ITGB4: variants seen among roughly 807,000 people sequenced by gnomAD.
ITGB4 encodes the protein integrin subunit beta 4.
A neutral mutation model predicts 207.6 loss-of-function variants in ITGB4; 159 were observed. That is an observed-to-expected ratio of 0.77 (90% confidence interval 0.67 to 0.87). The LOEUF (loss-of-function observed/expected upper bound fraction) is 0.87, where lower values mean the gene tolerates loss of function less well. Among genes scored for constraint, ITGB4 ranks in the 40% least tolerant of loss-of-function variants. ITGB4 has a pLI of 0.00. For synonymous variants in ITGB4, 1,020 were observed against 1,062.7 expected, an observed-to-expected ratio of 0.96 and a Z score of 0.78; for missense variants, 2,278 against 2,546.8, an observed-to-expected ratio of 0.89 and a Z score of 2.27.
chr17:75,740,263 G>T lies in ITGB4; in HGVS notation c.2447-95G>T. ...GTGGCCTGCTGGCCAGGCATCCCCT[G>T]ATCCTAGCATGGTTGCTGGAGGGAT... On this transcript the variant is annotated intron_variant, in intron 20 of 39. Transcript: ENST00000200181. The surrounding 1 kb of genome is among the most constrained non-coding windows in gnomAD (Gnocchi z 5.9). The T allele has an allele frequency of 7.6e-7, 1 of 1,307,314 alleles. No homozygotes were observed. Among genetic ancestry groups the T allele is most frequent in the South Asian group, 1.2e-5 (1 of 80,510 alleles). 81.0% of individuals were successfully genotyped at this position (1,307,314 alleles called of 1,614,324 possible).
At chr17:75,724,892 A>G in intron 2 of ITGB4, 110 bp downstream of exon 2, 3 of 900,312 alleles carry the variant, frequency 3.3e-6, no homozygotes, top group Non-Finnish European at 3.6e-6. Flanking sequence ...TTGGCCATTC[A>G]GCAACTGACC....
In ITGB4 at chr17:75,750,196, T is replaced by C; in HGVS notation, c.3402T>C (p.Asn1134=). 3.1e-6 allele frequency: 5 copies of C among 1,613,774 alleles called. No individual in the cohort carries two copies. Among genetic ancestry groups the C allele is most frequent in the Middle Eastern group, 1.6e-4 (1 of 6,062 alleles). The change falls in exon 28 of 40, where the codon AAT becomes AAC. Residue 1134 remains asparagine (N), a synonymous_variant. Coordinates refer to ENST00000200181, the MANE Select transcript of ITGB4 (RefSeq NM_000213.5). This position sits in a 1 kb window ranked among gnomAD's most constrained non-coding sequence, Gnocchi z 5.5. ...HGDLGAPQNP[N]AKAAGSRKIH... ...ACCTGGGCGCCCCGCAGAACCCCAA[T>C]GCTAAGGCCGCTGGGTCCAGGAAGA...
chr17:75,740,783 T>C lies in ITGB4; in HGVS notation c.2551-10T>C, dbSNP rs1294215890. ...TAGGCCCAGCCTCACGCCCCTCCCT[T>C]GCCTGGCAGCTGAACGAGGTCTACA... On this transcript the variant is annotated splice_polypyrimidine_tract_variant and intron_variant, in intron 21 of 39. Coordinates refer to ENST00000200181, the MANE Select transcript of ITGB4 (RefSeq NM_000213.5). The surrounding 1 kb of genome is among the most constrained non-coding windows in gnomAD (Gnocchi z 5.9). 6.2e-7 allele frequency: 1 copy of C among 1,612,648 alleles called. No individual in the cohort carries two copies. Among genetic ancestry groups the C allele is most frequent in the African/African-American group, 1.3e-5 (1 of 74,882 alleles).
chr17:75,723,173 T>G (rs373110912), intron 1 of ITGB4, among the ~76,000 whole-genome samples: 1 of 152,100 alleles, frequency 6.6e-6, no homozygotes, highest in East Asian at 1.9e-4. Flanking sequence ...CCCAGTGCTG[T>G]CCGCGGGATG....
rs531390046 is a variant in ITGB4 at position 75,734,576 on chromosome 17, G to A, written c.1657+884G>A. ...GGGCAGGATCACAGAACTCAGACAA[G>A]GGGACATAGGGAAGGATTGGTAGTT... is the stretch of plus-strand genomic sequence containing the variant. On this transcript the variant is annotated intron_variant, in intron 13 of 39. Transcript: ENST00000200181. Among the ~76,000 whole-genome samples the A allele has an allele frequency of 2.0e-5, 3 of 152,326 alleles. No individual in the cohort carries two copies. The South Asian group carries it at 6.2e-4, about 32-fold the overall frequency.
At position 75,729,425 on chromosome 17, in the gene ITGB4, G is replaced by T; in HGVS notation, c.727G>T (p.Ala243Ser). 1.2e-6 allele frequency: 2 copies of T among 1,614,028 alleles called. No individual in the cohort carries two copies. Among genetic ancestry groups the T allele is most frequent in the Non-Finnish European group, 1.7e-6 (2 of 1,179,972 alleles). The change falls in exon 7 of 40, where the codon GCT becomes TCT. Residue 243 changes from alanine (A) to serine (S), a missense_variant. Ala to Ser is a moderately conservative substitution (Grantham distance 99). Coordinates refer to ENST00000200181, the MANE Select transcript of ITGB4 (RefSeq NM_000213.5). This position sits in a 1 kb window ranked among gnomAD's most constrained non-coding sequence, Gnocchi z 4.4. ...CGGCTTCGATGCCATCCTGCAGACA[G>T]CTGTGTGCACGGTGGGCACTGGGAA... ...EGGFDAILQT[A>S]VCTRDIGWRP...
Position 75,739,858 on chromosome 17 carries a change from T to C in ITGB4, c.2255-22T>C. 2 of 1,613,108 alleles carry C rather than the reference T, an allele frequency of 1.2e-6. No homozygotes were observed. Among genetic ancestry groups the C allele is most frequent in the Non-Finnish European group, 1.7e-6 (2 of 1,179,594 alleles). ...TGTGCGGGTCTAGGGAGGGGTGCCG[T>C]GCTGAGGACCCCATCCTGCAGGTCA... On this transcript the variant is annotated intron_variant, in intron 19 of 39. Transcript: ENST00000200181. The surrounding 1 kb of genome is among the most constrained non-coding windows in gnomAD (Gnocchi z 5.4).
rs1207465103 is a variant in ITGB4 at position 75,742,783 on chromosome 17, G to C, written c.2962+22G>C. On this transcript the variant is annotated intron_variant, in intron 25 of 39. Coordinates refer to ENST00000200181, the MANE Select transcript of ITGB4 (RefSeq NM_000213.5). The surrounding 1 kb of genome is among the most constrained non-coding windows in gnomAD (Gnocchi z 5.9). ...CAAGGTGGGTCTGGGTGGGGAGAGT[G>C]GGGAAGGCAGACGGGGGCTCGGGGG... 2 of 1,597,804 alleles carry C rather than the reference G, an allele frequency of 1.3e-6. No individual in the cohort carries two copies. Among genetic ancestry groups the C allele is most frequent in the African/African-American group, 2.7e-5 (2 of 74,858 alleles).
intron 1 of ITGB4, among the ~76,000 whole-genome samples, chr17:75,723,078 C>T (rs973248985): frequency 5.9e-5 from 9 of 152,232 alleles, no homozygotes; most frequent in East Asian, 1.9e-4. Flanking sequence ...CGCCAACCCT[C>T]TAACTGCCAT....
chr17:75,730,355 G>A lies in ITGB4; in HGVS notation c.853G>A (p.Asp285Asn), dbSNP rs150962076. 1.5e-5 allele frequency: 25 copies of A among 1,613,770 alleles called. No individual in the cohort carries two copies. The highest frequency in any genetic ancestry group is 1.6e-4 in the Middle Eastern group (1 of 6,084). Residue 285 changes from aspartate to asparagine, a missense_variant, in exon 8 of 40, where the codon GAT becomes AAT. Physicochemically the swap from Asp to Asn is conservative, Grantham distance 23 (BLOSUM62 1). Coordinates refer to ENST00000200181, the MANE Select transcript of ITGB4 (RefSeq NM_000213.5). ...GCTGGCTGGCATCATGAGCCGCAAC[G>A]ATGAACGGTGCCACCTGGACACCAC... ...NVLAGIMSRNDERCHLDTTGT... is the reference protein window; with the variant it reads ...NVLAGIMSRNNERCHLDTTGT...
intron 34 of ITGB4, 100 bp from the exon 35 acceptor site, chr17:75,755,601 G>T (rs1024946119): frequency 2.7e-6 from 4 of 1,480,866 alleles, no homozygotes; most frequent in Non-Finnish European, 2.8e-6. Flanking sequence ...GGTCAGTGTA[G>T]ACATGCCAGC....
rs1390553846 is a variant in ITGB4 at position 75,757,046 on chromosome 17, G to A, written c.5157G>A (p.Arg1719=). Residue 1719 remains arginine, a synonymous_variant, in exon 38 of 40, where the codon AGG becomes AGA. Coordinates refer to ENST00000200181, the MANE Select transcript of ITGB4 (RefSeq NM_000213.5). ...CCTACAAGTTCAAGGTGCAGGCCAG[G>A]ACCACTGAGGGCTTCGGGCCAGAGC... The part of the protein sequence containing the change: ...NVPYKFKVQA[R]TTEGFGPERE... 4 of 1,612,760 alleles carry A rather than the reference G, an allele frequency of 2.5e-6. No individual in the cohort carries two copies. The highest frequency in any genetic ancestry group is 1.7e-5 in the Admixed American group (1 of 60,002).
At chr17:75,755,670 T>TCTC (rs999240670) in intron 34 of ITGB4, 31 bp from the exon 35 acceptor site, 1 of 1,612,060 alleles carries the variant, frequency 6.2e-7, no homozygotes, top group African/African-American at 1.3e-5. Context: ...AGCCCCTGCA[T>TCTC]CTCTGGCTGA....
chr17:75,731,372 C>T lies in ITGB4; in HGVS notation c.1215+4C>T, dbSNP rs552307377. The T allele has an allele frequency of 1.8e-5, 29 of 1,610,434 alleles. No homozygotes were observed. The South Asian group carries it at 1.9e-4, about 10-fold the overall frequency. ...TCACATCCGGCGGGGGGAAGTGGTA[C>T]GCCTCTGTGGGGGCAGCGGGGTGGG... On this transcript the variant is annotated splice_donor_region_variant and intron_variant, in intron 10 of 39. Coordinates refer to ENST00000200181, the MANE Select transcript of ITGB4 (RefSeq NM_000213.5). The surrounding 1 kb of genome is among the most constrained non-coding windows in gnomAD (Gnocchi z 6.8).
Position 75,757,184 on chromosome 17 carries a change from T to C in ITGB4, c.5219-16T>C, listed in dbSNP as rs2061534220. The C allele has an allele frequency of 6.2e-7, 1 of 1,611,626 alleles. No homozygotes were observed. The highest frequency in any genetic ancestry group is 2.2e-5 in the East Asian group (1 of 44,792). On this transcript the variant is annotated splice_polypyrimidine_tract_variant and intron_variant, in intron 38 of 39. Transcript: ENST00000200181. ...TTCTGGCACCACCCTCTGACTGGCCTATCTGCCCACCCCAGGACCCTTCCC... is the reference window on the plus strand; with the variant it reads ...TTCTGGCACCACCCTCTGACTGGCCCATCTGCCCACCCCAGGACCCTTCCC...
At position 75,730,592 on chromosome 17, in the gene ITGB4, CCCTCCCTCCCTT is replaced by C. The variant is rs1276845826; in HGVS notation, c.1002+96_1002+107del. On this transcript the variant is annotated intron_variant, in intron 8 of 39. Transcript: ENST00000200181. ...GACACCTCTCCCTCCCTCCCTCCCT[CCCTCCCTCCCTT>C]CCTCCCTTCCTCCCTCCCTCTTTTC... The C allele has an allele frequency of 3.0e-4, 374 of 1,238,128 alleles. 3 individuals are homozygous for C. The highest frequency in any genetic ancestry group is 2.5e-3 in the South Asian group (182 of 72,778). 76.7% of individuals were successfully genotyped at this position (1,238,128 alleles called of 1,614,324 possible).
chr17:75,736,032 T>A lies in ITGB4; in HGVS notation c.1658-19T>A. 1 of 1,612,116 alleles carries A rather than the reference T, an allele frequency of 6.2e-7. No homozygotes were observed. Among genetic ancestry groups the A allele is most frequent in the Non-Finnish European group, 8.5e-7 (1 of 1,179,038 alleles). On this transcript the variant is annotated intron_variant, in intron 13 of 39. Coordinates refer to ENST00000200181, the MANE Select transcript of ITGB4 (RefSeq NM_000213.5). Reference sequence around the variant, plus strand: ...GCACAGATGTAGCTCTCATCTCCCTTCCTTGTCCCTCTCTGCAGACCGAGG... The same window carrying A: ...GCACAGATGTAGCTCTCATCTCCCTACCTTGTCCCTCTCTGCAGACCGAGG...
intron 27 of ITGB4, 91 bp downstream of exon 27, chr17:75,749,136 C>A: frequency 9.9e-7 from 1 of 1,007,086 alleles, no homozygotes; most frequent in Non-Finnish European, 1.5e-6. Context: ...CAAATCCAAA[C>A]ACAGGACGCC....
rs1369651313 is a variant in ITGB4 at position 75,731,275 on chromosome 17, C to T, written c.1122C>T (p.Ala374=). The T allele has an allele frequency of 6.2e-7, 1 of 1,613,542 alleles. No individual in the cohort carries two copies. The highest frequency in any genetic ancestry group is 8.5e-7 in the Non-Finnish European group (1 of 1,180,022). The part of the protein sequence containing the change: ...NRIRSNLDIR[A]LDSPRGLRTE... ...TCCGCTCCAACCTGGACATCCGGGC[C>T]CTAGACAGCCCCCGAGGCCTTCGGA... is the stretch of plus-strand genomic sequence containing the variant. The change falls in exon 10 of 40, where the codon GCC becomes GCT. Residue 374 remains alanine, a synonymous_variant. Transcript: ENST00000200181. This position sits in a 1 kb window ranked among gnomAD's most constrained non-coding sequence, Gnocchi z 6.8.
Sources: allele counts gnomAD v4.1 joint callset (sites outside exome capture counted in the v4.1 genomes callset), GRCh38; gene constraint gnomAD v4.1.1; non-coding constraint Gnocchi (gnomAD v3.1); transcripts MANE v1.5; gene names NCBI Gene and HGNC (gene_info 2026-07-23, HGNC 2026-07-21).